Variants in NALF1 observed in about 807,000 individuals in gnomAD.
NALF1 encodes NALCN channel auxiliary factor 1, also known as family with sequence similarity 155 member A.
In NALF1, 3 loss-of-function variants were observed where a neutral mutation model predicts 48.4. That is an observed-to-expected ratio of 0.06 (90% confidence interval 0.03 to 0.16). The LOEUF (loss-of-function observed/expected upper bound fraction) is 0.16. Ranked by LOEUF, NALF1 falls within the 10% of genes least tolerant of loss-of-function variation. The pLI is 1.00. For synonymous variants in NALF1, 262 were observed against 245.7 expected (o/e 1.07, Z -0.62); for missense variants, 526 against 571.5 (o/e 0.92, Z 0.81).
chr13:107,306,020 A>C (rs899631013), intron 1 of NALF1, among the ~76,000 whole-genome samples: 3 of 152,184 alleles, frequency 2.0e-5, no homozygotes, highest in Admixed American at 2.0e-4. Context: ...TGGAGGTACA[A>C]ACTAAGAATG....
At chr13:107,565,438 T>C (rs1877781865) in intron 1 of NALF1, among the ~76,000 whole-genome samples, 1 of 150,142 alleles carries the variant, frequency 6.7e-6, no homozygotes, top group Non-Finnish European at 1.5e-5. Context: ...ATAAGAGCTC[T>C]AGGAAGGTGA....
chr13:107,319,000 T>G (rs1411324337), intron 1 of NALF1, among the ~76,000 whole-genome samples: 1 of 152,100 alleles, frequency 6.6e-6, no homozygotes, highest in Non-Finnish European at 1.5e-5. Flanking sequence ...CGTATGATTG[T>G]CCAGAAAATT....
chr13:107,496,078 G>C (rs570967590), intron 1 of NALF1, among the ~76,000 whole-genome samples: 1 of 152,232 alleles, frequency 6.6e-6, no homozygotes, highest in South Asian at 2.1e-4. Flanking sequence ...TATATTACCA[G>C]AAATGGGCAA....
chr13:107,290,198 A>G (rs9558997), intron 1 of NALF1, among the ~76,000 whole-genome samples: 66,496 of 148,966 alleles, frequency 0.45, 15,352 homozygotes, highest in African/African-American at 0.53. Flanking sequence ...AAAAAAAAAA[A>G]CCAGAAATAC....
chr13:107,738,951 C>T (rs1390880713), intron 1 of NALF1, among the ~76,000 whole-genome samples: 1 of 152,118 alleles, frequency 6.6e-6, no homozygotes, highest in African/African-American at 2.4e-5. Flanking sequence ...TGTGAGCCAC[C>T]TCGCCCAGCT....
At chr13:107,243,823 G>A (rs895284240) in intron 1 of NALF1, among the ~76,000 whole-genome samples, 8 of 152,114 alleles carry the variant, frequency 5.3e-5, no homozygotes, top group Non-Finnish European at 1.2e-4. Flanking sequence ...TACAGGAGGC[G>A]GCGGCAAGCA....
chr13:107,346,704 A>G (rs1882778600), intron 1 of NALF1, among the ~76,000 whole-genome samples: 1 of 152,238 alleles, frequency 6.6e-6, no homozygotes, highest in African/African-American at 2.4e-5. Context: ...AATGATATGC[A>G]TATAATAATA....
chr13:107,660,484 C>CACACACACAAACAA (rs1386945144), intron 1 of NALF1, among the ~76,000 whole-genome samples: 4 of 139,122 alleles, frequency 2.9e-5, no homozygotes, highest in South Asian at 4.7e-4. Context: ...CACACACACA[C>CACACACACAAACAA]AACAAAGAAA....
At chr13:107,512,987 A>G (rs1875945080) in intron 1 of NALF1, among the ~76,000 whole-genome samples, 1 of 152,190 alleles carries the variant, frequency 6.6e-6, no homozygotes, top group Non-Finnish European at 1.5e-5. Context: ...GATTTTAAAA[A>G]TTCTTTTGGC....
intron 1 of NALF1, among the ~76,000 whole-genome samples, chr13:107,749,169 C>G (rs946294500): frequency 8.0e-6 from 1 of 124,566 alleles, no homozygotes; most frequent in Non-Finnish European, 1.7e-5. Flanking sequence ...TGTGTGTCTA[C>G]GTGTCTGTGT....
At chr13:107,652,092 T>C (rs964228083) in intron 1 of NALF1, among the ~76,000 whole-genome samples, 11 of 152,344 alleles carry the variant, frequency 7.2e-5, no homozygotes, top group African/African-American at 2.4e-4. Context: ...CTTCAATTTC[T>C]AGCTTTAGCA....
At chr13:107,818,440 T>G (rs2138614049) in intron 1 of NALF1, among the ~76,000 whole-genome samples, 1 of 152,190 alleles carries the variant, frequency 6.6e-6, no homozygotes, top group African/African-American at 2.4e-5. Flanking sequence ...GCTGCTCCTA[T>G]TGGAAGGGGG....
intron 1 of NALF1, among the ~76,000 whole-genome samples, chr13:107,723,884 CAA>C (rs1292887659): frequency 6.6e-6 from 1 of 152,122 alleles, no homozygotes; most frequent in African/African-American, 2.4e-5. Context: ...AGAAACTGTA[CAA>C]AGAGCCCAAA....
intron 1 of NALF1, among the ~76,000 whole-genome samples, chr13:107,346,428 CAACATATTCTGCCTTTA>C (rs766112272): frequency 4.4e-4 from 67 of 152,268 alleles, no homozygotes; most frequent in Admixed American, 6.5e-4. Context: ...GCATGCAATG[CAACATATTCTGCCTTTA>C]AAAAGGGAAG....
intron 1 of NALF1, among the ~76,000 whole-genome samples, chr13:107,577,490 T>C (rs970578420): frequency 0.011 from 22 of 1,956 alleles, no homozygotes; most frequent in Non-Finnish European, 0.1. Context: ...CCCCAAATTA[T>C]CAAGTCAGTA....
At chr13:107,547,139 T>C in intron 1 of NALF1, among the ~76,000 whole-genome samples, 1 of 152,214 alleles carries the variant, frequency 6.6e-6, no homozygotes. Flanking sequence ...CATCACAATA[T>C]ATAAACAGAA....
In NALF1 at chr13:107,644,657, A is replaced by ATATATATATATATATATATATATG. The variant is rs879682183; in HGVS notation, c.915+221024_915+221025insCATATATATATATATATATATATA. Reference sequence around the variant, plus strand: ...TACATACATACATACATATATATATATATATATATGCTTTCACTTAAGTTG... The same window carrying ATATATATATATATATATATATATG: ...TACATACATACATACATATATATATATATATATATATATATATATATATGTATATATATGCTTTCACTTAAGTTG... On this transcript the variant is annotated intron_variant, in intron 1 of 2. Transcript: ENST00000375915. Among the ~76,000 whole-genome samples, 34 of 137,772 alleles carry ATATATATATATATATATATATATG rather than the reference A, an allele frequency of 2.5e-4. No homozygotes were observed. The East Asian group carries it at 4.2e-3, about 17-fold the overall frequency. 90.4% of individuals were successfully genotyped at this position (137,772 alleles called of 152,430 possible).
chr13:107,371,458 AAAAT>A (rs10641731), intron 1 of NALF1, among the ~76,000 whole-genome samples: 41 of 150,574 alleles, frequency 2.7e-4, no homozygotes, highest in African/African-American at 9.2e-4. Context: ...AAATAAAAAT[AAAAT>A]AAATAAATAA....
intron 1 of NALF1, among the ~76,000 whole-genome samples, chr13:107,264,622 C>T (rs61533352): frequency 6.6e-6 from 1 of 152,164 alleles, no homozygotes; most frequent in East Asian, 1.9e-4. Flanking sequence ...ACATCAGTTT[C>T]GACCCCTTGC....
Sources: gnomAD v4.1 joint callset for allele counts (sites outside exome capture counted in the v4.1 genomes callset) on GRCh38, gnomAD v4.1.1 for gene constraint, MANE v1.5 for transcripts, NCBI Gene and HGNC (gene_info 2026-07-23, HGNC 2026-07-21) for gene names.